PKHD1L1: variants seen among roughly 807,000 people sequenced by gnomAD.
The protein encoded by PKHD1L1 is fibrocystin-L.
A neutral mutation model predicts 462.9 loss-of-function variants in PKHD1L1; 434 were observed. The ratio of observed to expected loss-of-function variants is 0.94; its 90% CI spans 0.87 to 1.02. The LOEUF is 1.02. Among genes scored for constraint, PKHD1L1 ranks in the 50% least tolerant of loss-of-function variants. The pLI is 0.00. For missense variants in PKHD1L1, 5,202 were observed against 5,096.1 expected (o/e 1.02, Z -0.63); for synonymous variants, 1,781 against 1,750.0 (o/e 1.02, Z -0.44).
chr8:109,485,463 T>C (rs1267663348), intron 58 of PKHD1L1, among the ~76,000 whole-genome samples: 1 of 152,020 alleles, frequency 6.6e-6, no homozygotes, highest in Non-Finnish European at 1.5e-5. Context: ...GTGATTCTTG[T>C]GCACGCTGAA....
At chr8:109,425,365 A>G (rs1814689997) in intron 24 of PKHD1L1, 133 bp downstream of exon 24, 2 of 518,832 alleles carry the variant, frequency 3.9e-6, no homozygotes, top group East Asian at 7.7e-5. Context: ...TTTATTTGAT[A>G]TATAAGTAAA....
intron 4 of PKHD1L1, among the ~76,000 whole-genome samples, chr8:109,383,644 A>G (rs1812287308): frequency 6.6e-6 from 1 of 151,470 alleles, no homozygotes; most frequent in Non-Finnish European, 1.5e-5. Flanking sequence ...ATTGCCAAAT[A>G]CGATTCCCAG....
At position 109,440,769 on chromosome 8, in the gene PKHD1L1, G is replaced by A. The variant is rs201191194; in HGVS notation, c.4016G>A (p.Arg1339Lys). ...VLEVTSMFPQ[R>K]GSLFGGTEIT... Reference sequence around the variant, plus strand: ...GAAGTGACCAGCATGTTTCCACAAAGAGGCTCCTTGTTTGGTGGAACTGAA... The same window carrying A: ...GAAGTGACCAGCATGTTTCCACAAAAAGGCTCCTTGTTTGGTGGAACTGAA... Residue 1339 changes from arginine to lysine, a missense_variant, in exon 33 of 78, where the codon AGA becomes AAA. This residue lies in a region of PKHD1L1 where 4,497 missense variants were observed against 4,336.8 expected (regional missense o/e 1.04). Coordinates refer to ENST00000378402, the MANE Select transcript of PKHD1L1 (RefSeq NM_177531.6). 6.2e-7 allele frequency: 1 copy of A among 1,613,092 alleles called. No homozygotes were observed. The highest frequency in any genetic ancestry group is 1.3e-5 in the African/African-American group (1 of 74,990).
chr8:109,423,449 T>A (rs1814578122), intron 23 of PKHD1L1, among the ~76,000 whole-genome samples: 1 of 152,144 alleles, frequency 6.6e-6, no homozygotes, highest in East Asian at 1.9e-4. Flanking sequence ...GTGGGCATAT[T>A]TCTGAGTTTT....
intron 18 of PKHD1L1, among the ~76,000 whole-genome samples, chr8:109,409,270 G>A (rs1813715737): frequency 6.7e-6 from 1 of 149,124 alleles, no homozygotes; most frequent in African/African-American, 2.5e-5. Context: ...TTTTTTTCAA[G>A]ACGGAGTCTC....
chr8:109,440,055 C>G (rs1464036404), intron 32 of PKHD1L1, among the ~76,000 whole-genome samples: 3 of 152,056 alleles, frequency 2.0e-5, no homozygotes, highest in African/African-American at 7.2e-5. Flanking sequence ...CAAGGTTATG[C>G]TGTGGAAGTT....
At chr8:109,513,891 T>A (rs1292489552) in intron 71 of PKHD1L1, among the ~76,000 whole-genome samples, 3 of 152,162 alleles carry the variant, frequency 2.0e-5, no homozygotes, top group African/African-American at 4.8e-5. Flanking sequence ...TAATTCCTCT[T>A]TCTACTTCCA....
At chr8:109,402,861 C>T (rs149191917) in intron 14 of PKHD1L1, among the ~76,000 whole-genome samples, 13 of 152,286 alleles carry the variant, frequency 8.5e-5, no homozygotes, top group African/African-American at 2.6e-4. Flanking sequence ...AATGTTCTTG[C>T]TGAGGTCTTA....
chr8:109,382,741 T>A (rs1173236670), intron 4 of PKHD1L1, among the ~76,000 whole-genome samples, 170 bp downstream of exon 4: 1 of 152,050 alleles, frequency 6.6e-6, no homozygotes, highest in African/African-American at 2.4e-5. Flanking sequence ...AGTAATTTAA[T>A]GTCTGTTATT....
In PKHD1L1 at chr8:109,404,548, T is replaced by G; in HGVS notation, c.1374-6T>G. The G allele has an allele frequency of 6.6e-7, 1 of 1,512,368 alleles. No homozygotes were observed. 93.7% of individuals were successfully genotyped at this position (1,512,368 alleles called of 1,614,324 possible). On this transcript the variant is annotated splice_region_variant and splice_polypyrimidine_tract_variant and intron_variant, in intron 14 of 77. Coordinates refer to ENST00000378402, the MANE Select transcript of PKHD1L1 (RefSeq NM_177531.6). Reference sequence around the variant, plus strand: ...AGTTATATTCATTAGTTACTCTATTTTCCAGATACTATATTGAAATCTTGC... The same window carrying G: ...AGTTATATTCATTAGTTACTCTATTGTCCAGATACTATATTGAAATCTTGC...
Position 109,510,937 on chromosome 8 carries a change from AG to A in PKHD1L1, c.11553+6del. On this transcript the variant is annotated splice_donor_region_variant and intron_variant, in intron 71 of 77. Coordinates refer to ENST00000378402, the MANE Select transcript of PKHD1L1 (RefSeq NM_177531.6). ...TGCTTAATGTTGATCATAACAAGGT[AG>A]GGCAAGATGTCTTAAGAGTAATTGC... The A allele has an allele frequency of 3.1e-6, 5 of 1,611,790 alleles. No homozygotes were observed. In the South Asian group the frequency reaches 4.4e-5, roughly 14 times the overall value.
chr8:109,493,749 C>T lies in PKHD1L1; in HGVS notation c.10325C>T (p.Pro3442Leu). 2 of 1,589,442 alleles carry T rather than the reference C, an allele frequency of 1.3e-6. No individual in the cohort carries two copies. Among genetic ancestry groups the T allele is most frequent in the Non-Finnish European group, 8.6e-7 (1 of 1,168,306 alleles). ...TACCGCATTGATGGTGAACCTTGCCCAGGTAAGTCTTTTAAACCAGGAATC... is the reference window on the plus strand; with the variant it reads ...TACCGCATTGATGGTGAACCTTGCCTAGGTAAGTCTTTTAAACCAGGAATC... ...AGYRIDGEPC[P>L]GQFNPVEKWF... Residue 3442 changes from proline (P) to leucine (L), a missense_variant and splice_region_variant, in exon 63 of 78, where the codon CCA becomes CTA. By Grantham distance (98) the Pro-to-Leu change is moderately conservative (BLOSUM62 -3). Transcript: ENST00000378402.
Position 109,401,546 on chromosome 8 carries a change from C to T in PKHD1L1, c.1331C>T (p.Pro444Leu), listed in dbSNP as rs749834630. The T allele has an allele frequency of 5.0e-6, 8 of 1,594,014 alleles. No individual in the cohort carries two copies. The Admixed American group carries it at 8.4e-5, about 17-fold the overall frequency. ...AATGCCAACAGTTATTTTTCCAGTC[C>T]AACACAAAGATCAGATGATATTCAT... ...SANANSYFSS[P>L]TQRSDDIHLQ... Residue 444 changes from proline (P) to leucine (L), a missense_variant, in exon 14 of 78, where the codon CCA becomes CTA. Pro to Leu is a moderately conservative substitution (Grantham distance 98, BLOSUM62 -3). Coordinates refer to ENST00000378402, the MANE Select transcript of PKHD1L1 (RefSeq NM_177531.6).
At chr8:109,435,108 T>C (rs1429914328) in intron 28 of PKHD1L1, 82 bp from the exon 29 acceptor site, 18 of 1,419,938 alleles carry the variant, frequency 1.3e-5, no homozygotes, top group Non-Finnish European at 1.7e-5. Context: ...TGAAGGCCAA[T>C]GTTAGTATTT....
At chr8:109,426,541 A>G (rs1019914848) in intron 24 of PKHD1L1, among the ~76,000 whole-genome samples, 4 of 152,136 alleles carry the variant, frequency 2.6e-5, no homozygotes, top group African/African-American at 4.8e-5. Flanking sequence ...CAGAAGTAGA[A>G]TGCAAATTTT....
intron 41 of PKHD1L1, 104 bp downstream of exon 41, chr8:109,451,253 G>C: frequency 1.6e-6 from 2 of 1,223,802 alleles, no homozygotes; most frequent in Non-Finnish European, 2.2e-6. Flanking sequence ...GTCATGCAAT[G>C]TGTACCTATA....
At chr8:109,370,583 G>A (rs1342676847) in intron 2 of PKHD1L1, among the ~76,000 whole-genome samples, 1 of 151,674 alleles carries the variant, frequency 6.6e-6, no homozygotes. Flanking sequence ...ATGTATACAT[G>A]TGCCATGTTG....
chr8:109,498,654 G>A lies in PKHD1L1; in HGVS notation c.10712-1G>A. The A allele has an allele frequency of 6.2e-7, 1 of 1,613,744 alleles. No homozygotes were observed. The highest frequency in any genetic ancestry group is 8.5e-7 in the Non-Finnish European group (1 of 1,179,732). The stretch of plus-strand genomic sequence containing the variant: ...ATTAACTTTTTCTTTTTTGGTAAAA[G>A]GTGGGAGAAGTGGGATTTGTTGGCC... On this transcript the variant is annotated splice_acceptor_variant, in intron 66 of 77. Transcript: ENST00000378402. LOFTEE classifies it high-confidence loss of function.
chr8:109,420,479 C>A (rs1814403351), intron 22 of PKHD1L1, 39 bp from the exon 23 acceptor site: 2 of 1,374,968 alleles, frequency 1.5e-6, no homozygotes, highest in Admixed American at 3.0e-5. Context: ...ACCACAGTTA[C>A]TTTTACACCA....
Sources: allele counts gnomAD v4.1 joint callset (sites outside exome capture counted in the v4.1 genomes callset), GRCh38; gene constraint gnomAD v4.1.1; regional missense constraint gnomAD v4.1.1; transcripts MANE v1.5; gene names NCBI Gene and HGNC (gene_info 2026-07-23, HGNC 2026-07-21).